Variants in IRAG1 observed in about 807,000 individuals in gnomAD.
IRAG1 encodes the protein inositol 1,4,5-triphosphate receptor associated 1, also known as IP3R-associated cGMP kinase substrate.
IRAG1 carries 62 observed loss-of-function variants against 106.2 expected under a neutral mutation model. The observed-to-expected ratio is 0.58, with a 90% CI of 0.48 to 0.72. The LOEUF (loss-of-function observed/expected upper bound fraction) is 0.72. Ranked by LOEUF, IRAG1 falls within the 30% of genes least tolerant of loss-of-function variation. The pLI, the probability that IRAG1 is intolerant of heterozygous loss-of-function variation, is 0.00. For missense variants in IRAG1, 1,064 were observed against 1,140.7 expected (o/e 0.93, Z 0.97); for synonymous variants, 462 against 443.9 (o/e 1.04, Z -0.51).
At chr11:10,683,611 G>C (rs1171734027) in intron 1 of IRAG1, among the ~76,000 whole-genome samples, 1 of 152,100 alleles carries the variant, frequency 6.6e-6, no homozygotes, top group Non-Finnish European at 1.5e-5. Flanking sequence ...TATAACTTGG[G>C]CTCCTTTGCT....
At chr11:10,687,191 A>G (rs10743146) in intron 1 of IRAG1, among the ~76,000 whole-genome samples, 108,551 of 152,136 alleles carry the variant, frequency 0.71, 38,999 homozygotes, top group East Asian at 0.87. Flanking sequence ...CTAGGGCAGG[A>G]CACAAGTCTT....
At position 10,634,753 on chromosome 11, in the gene IRAG1, T is replaced by TTTTGTGTG. The variant is rs1554927053; in HGVS notation, c.226-683_226-682insCACACAAA. On this transcript the variant is annotated intron_variant, in intron 2 of 20. Coordinates refer to ENST00000423302, the MANE Select transcript of IRAG1 (RefSeq NM_130385.4). ...CTTTTTTTAAGGATGAATAATATTCTTGTGTGTGTGTGTGTGTGTGTGTGT... is the reference window on the plus strand; with the variant it reads ...CTTTTTTTAAGGATGAATAATATTCTTTTGTGTGTGTGTGTGTGTGTGTGTGTGTGTGT... Among the ~76,000 whole-genome samples, 398 of 145,050 alleles carry TTTTGTGTG rather than the reference T, an allele frequency of 2.7e-3. 1 individual carries two copies. Among genetic ancestry groups the TTTTGTGTG allele is most frequent in the African/African-American group, 0.01 (384 of 38,230 alleles).
At chr11:10,627,874 C>T in intron 7 of IRAG1, 99 bp downstream of exon 7, 2 of 1,575,310 alleles carry the variant, frequency 1.3e-6, no homozygotes, top group African/African-American at 1.3e-5. Context: ...CACCCAGCAC[C>T]CTCATCTCCA....
At chr11:10,683,798 G>A (rs1461586363) in intron 1 of IRAG1, among the ~76,000 whole-genome samples, 2 of 151,248 alleles carry the variant, frequency 1.3e-5, no homozygotes, top group East Asian at 3.9e-4. Context: ...CTGGTAATAC[G>A]ATTTTCTTCT....
chr11:10,576,213 T>A lies in IRAG1; in HGVS notation c.*119A>T. 1 of 1,334,848 alleles carries A rather than the reference T, an allele frequency of 7.5e-7. No individual in the cohort carries two copies. 82.7% of individuals were successfully genotyped at this position (1,334,848 alleles called of 1,614,324 possible). A position where few individuals can be genotyped will look rare whatever the true frequency, so the allele number is the denominator to read the frequency against. ...AAGTGCCGAGTGTTAAAAGAACCCTTCCTCATGACCTGATGGGATGGGCGG... is the reference window on the plus strand; with the variant it reads ...AAGTGCCGAGTGTTAAAAGAACCCTACCTCATGACCTGATGGGATGGGCGG... On this transcript the variant is annotated 3_prime_UTR_variant, in exon 21 of 21. Transcript: ENST00000423302.
chr11:10,617,251 C>T, intron 10 of IRAG1: 1 of 921,652 alleles, frequency 1.1e-6, no homozygotes, highest in Non-Finnish European at 1.3e-6. Context: ...ATTTACTGAA[C>T]ATCAACTATG....
intron 1 of IRAG1, among the ~76,000 whole-genome samples, chr11:10,656,635 A>G (rs1426481275): frequency 6.6e-6 from 1 of 152,210 alleles, no homozygotes; most frequent in African/African-American, 2.4e-5. Context: ...AATGTATTTC[A>G]AGTGCTATTT....
chr11:10,614,122 A>T (rs1160033360), intron 10 of IRAG1, among the ~76,000 whole-genome samples: 1 of 152,116 alleles, frequency 6.6e-6, no homozygotes, highest in African/African-American at 2.4e-5. Context: ...TTCCTTTCCA[A>T]GAAAACCCCA....
At chr11:10,662,646 G>T (rs75594915) in intron 1 of IRAG1, among the ~76,000 whole-genome samples, 2,022 of 152,336 alleles carry the variant, frequency 0.013, 48 homozygotes, top group African/African-American at 0.046. Context: ...AGTTGGTTAT[G>T]TGTGTTCAAA....
intron 1 of IRAG1, among the ~76,000 whole-genome samples, chr11:10,658,102 G>C (rs899599297): frequency 1.3e-5 from 2 of 152,238 alleles, no homozygotes; most frequent in Admixed American, 1.3e-4. Flanking sequence ...TCTCGCAGGA[G>C]AGAGGATGCT....
In IRAG1 at chr11:10,651,549, CTT is replaced by C. The variant is rs201183659; in HGVS notation, c.225+474_225+475del. Among the ~76,000 whole-genome samples the C allele has an allele frequency of 3.1e-3, 471 of 152,300 alleles. 5 individuals are homozygous for C. Among genetic ancestry groups the C allele is most frequent in the African/African-American group, 0.011 (443 of 41,550 alleles). On this transcript the variant is annotated intron_variant, in intron 2 of 20. Transcript: ENST00000423302. Reference sequence around the variant, plus strand: ...TTGTACAATAAAAATCTTGATGTCTCTTTAAATTAATCTGCTTTCATCATTTC... The same window carrying C: ...TTGTACAATAAAAATCTTGATGTCTCTAAATTAATCTGCTTTCATCATTTC...
intron 10 of IRAG1, chr11:10,616,959 T>G (rs780253384): frequency 1.1e-6 from 1 of 917,090 alleles, no homozygotes; most frequent in Non-Finnish European, 1.3e-6. Flanking sequence ...AAAAATTACT[T>G]TTGGAGCTCT....
At position 10,640,806 on chromosome 11, in the gene IRAG1, A is replaced by G. The variant is rs1269956280; in HGVS notation, c.226-6735T>C. 3.9e-5 allele frequency among the ~76,000 whole-genome samples: 6 copies of G among 152,286 alleles called. No individual in the cohort carries two copies. In the East Asian group the frequency reaches 1.2e-3, roughly 29 times the overall value. On this transcript the variant is annotated intron_variant, in intron 2 of 20. Transcript: ENST00000423302. Reference sequence around the variant, plus strand: ...GGGCCTCAGGCTCAGAAGCCACACTACCTTATGGTATACTTTTTAGCTGGA... The same window carrying G: ...GGGCCTCAGGCTCAGAAGCCACACTGCCTTATGGTATACTTTTTAGCTGGA...
rs531779085 is a variant in IRAG1, at chr11:10,664,151, C to T, written c.68-11969G>A. Among the ~76,000 whole-genome samples, 33 of 152,322 alleles carry T rather than the reference C, an allele frequency of 2.2e-4. No individual in the cohort carries two copies. The South Asian group carries it at 6.4e-3, about 30-fold the overall frequency. On this transcript the variant is annotated intron_variant, in intron 1 of 20. Transcript: ENST00000423302. ...AACAAGAACAACAGCAGCCGAGACG[C>T]AGCCCCTCTCCGAGGAACTGGAAGT...
chr11:10,615,605 A>G (rs1855331694), intron 10 of IRAG1, among the ~76,000 whole-genome samples: 1 of 152,186 alleles, frequency 6.6e-6, no homozygotes, highest in Non-Finnish European at 1.5e-5. Context: ...TGCACCCATA[A>G]AAAAGGATGA....
chr11:10,627,035 G>A (rs1250951289), intron 8 of IRAG1, among the ~76,000 whole-genome samples: 1 of 152,198 alleles, frequency 6.6e-6, no homozygotes, highest in Non-Finnish European at 1.5e-5. Flanking sequence ...ATGATCCAAA[G>A]AGGTTAGGGA....
chr11:10,609,379 C>T (rs569417996), intron 11 of IRAG1, among the ~76,000 whole-genome samples: 3 of 152,172 alleles, frequency 2.0e-5, no homozygotes, highest in African/African-American at 7.2e-5. Flanking sequence ...CCTATCTCTA[C>T]AAAAAAATAT....
chr11:10,608,843 T>A (rs992931095), intron 11 of IRAG1, among the ~76,000 whole-genome samples: 2 of 152,212 alleles, frequency 1.3e-5, no homozygotes, highest in Non-Finnish European at 2.9e-5. Context: ...GAGGAAGTAC[T>A]ATTTATTTTT....
chr11:10,679,475 C>T (rs1860971974), intron 1 of IRAG1, among the ~76,000 whole-genome samples: 1 of 152,200 alleles, frequency 6.6e-6, no homozygotes, highest in African/African-American at 2.4e-5. Context: ...GATAAGGAAA[C>T]TGAAGTTCAA....
Sources: allele counts gnomAD v4.1 joint callset (sites outside exome capture counted in the v4.1 genomes callset), GRCh38; gene constraint gnomAD v4.1.1; transcripts MANE v1.5; gene names NCBI Gene and HGNC (gene_info 2026-07-23, HGNC 2026-07-21).